Variants in MIOS observed in about 807,000 individuals in gnomAD.
MIOS encodes GATOR2 complex protein MIOS.
Under a neutral mutation model 96.9 loss-of-function variants are expected in MIOS, and 52 were observed. That is an observed-to-expected ratio of 0.54 (90% CI 0.43 to 0.68). The LOEUF (loss-of-function observed/expected upper bound fraction) is 0.68, where lower values mean the gene tolerates loss of function less well. MIOS is among the 30% of genes least tolerant of loss of function. The pLI is 0.00. For synonymous variants in MIOS, 397 were observed against 359.5 expected (o/e 1.10, Z -1.18); for missense variants, 1,005 against 1,052.8 (o/e 0.95, Z 0.63).
Position 7,606,026 on chromosome 7 carries a change from A to G in MIOS, c.2486A>G (p.Asn829Ser), listed in dbSNP as rs1175244749. The change falls in exon 12 of 13, where the codon AAT (asparagine) becomes AGT (serine). Residue 829 changes from asparagine (N) to serine (S), a missense_variant. By Grantham distance (46) the Asn-to-Ser change is conservative. This residue lies in a region of MIOS where 865 missense variants were observed against 887.9 expected (regional missense o/e 0.97). Transcript: ENST00000340080. ...AACAACTGGTTTACATGGTGTCATA[A>G]TTGCAGGCACGGTGGACATGCTGGA... ...QFNNWFTWCH[N>S]CRHGGHAGHM... The G allele has an allele frequency of 1.2e-6, 2 of 1,614,008 alleles. No homozygotes were observed. Among genetic ancestry groups the G allele is most frequent in the South Asian group, 2.2e-5 (2 of 91,074 alleles).
rs532523907 is a variant in MIOS, at chr7:7,572,090, A to T, written c.-40-346A>T. On this transcript the variant is annotated intron_variant, in intron 3 of 12. Transcript: ENST00000340080. The surrounding 1 kb of genome is among the most constrained non-coding windows in gnomAD (Gnocchi z 4.8). ...GATTCATAAGTTTTCCCCCCTTCAA[A>T]GGGATAATACTTATTAATTTGCTTA... Among the ~76,000 whole-genome samples the T allele has an allele frequency of 6.6e-6, 1 of 152,324 alleles. No individual in the cohort carries two copies. The highest frequency in any genetic ancestry group is 2.4e-5 in the African/African-American group (1 of 41,576).
chr7:7,602,766 A>G, intron 11 of MIOS, among the ~76,000 whole-genome samples: 1 of 152,160 alleles, frequency 6.6e-6, no homozygotes, highest in East Asian at 1.9e-4. Context: ...TGCCAAGTCA[A>G]TCCCAAGCCA....
rs753033156 is a variant in MIOS, at chr7:7,573,138, C to T, written c.663C>T (p.Phe221=). The change falls in exon 4 of 13, where the codon TTC becomes TTT. Residue 221 remains phenylalanine (F), a synonymous_variant. Coordinates refer to ENST00000340080, the MANE Select transcript of MIOS (RefSeq NM_019005.4). The surrounding 1 kb of genome is among the most constrained non-coding windows in gnomAD (Gnocchi z 5.0). The part of the protein sequence containing the change: ...FDLRNTSQKM[F]VNTKAVQGVT... ...TTCGGAATACAAGCCAAAAGATGTT[C>T]GTAAATACAAAAGCTGTTCAGGGTG... 16 of 1,614,018 alleles carry T rather than the reference C, an allele frequency of 9.9e-6. No individual in the cohort carries two copies. The highest frequency in any genetic ancestry group is 9.3e-6 in the Non-Finnish European group (11 of 1,179,958).
In MIOS at chr7:7,572,380, C is replaced by T. The variant is rs191368930; in HGVS notation, c.-40-56C>T. On this transcript the variant is annotated intron_variant, in intron 3 of 12. Coordinates refer to ENST00000340080, the MANE Select transcript of MIOS (RefSeq NM_019005.4). This position sits in a 1 kb window ranked among gnomAD's most constrained non-coding sequence, Gnocchi z 4.8. Reference sequence around the variant, plus strand: ...CTGACTTTCTGAATAGTTTATTCAACGTAAGAATTATATTTTGCTGATATT... The same window carrying T: ...CTGACTTTCTGAATAGTTTATTCAATGTAAGAATTATATTTTGCTGATATT... The T allele has an allele frequency of 2.2e-3, 1,951 of 870,288 alleles. 14 individuals carry two copies. Among genetic ancestry groups the T allele is most frequent in the Admixed American group, 5.1e-3 (162 of 31,930 alleles). 53.9% of individuals were successfully genotyped at this position (870,288 alleles called of 1,614,324 possible).
chr7:7,606,189 C>T (rs1242204836), intron 12 of MIOS, 118 bp downstream of exon 12: 10 of 1,316,438 alleles, frequency 7.6e-6, no homozygotes, highest in African/African-American at 1.5e-5. Context: ...TTATTTTTTA[C>T]TGTCACTCAT....
intron 1 of MIOS, 135 bp downstream of exon 1, chr7:7,567,207 C>T (rs1416217430): frequency 3.9e-5 from 6 of 152,150 alleles, no homozygotes; most frequent in Admixed American, 3.9e-4. Context: ...GTAATCGCGC[C>T]GGGCGGCCGG....
intron 6 of MIOS, among the ~76,000 whole-genome samples, chr7:7,585,423 T>C (rs1181445483): frequency 6.7e-6 from 1 of 149,858 alleles, no homozygotes; most frequent in Non-Finnish European, 1.5e-5. Context: ...CCCCTTTTTT[T>C]TTTTTTTCAA....
intron 11 of MIOS, among the ~76,000 whole-genome samples, chr7:7,600,139 A>G (rs1220411653): frequency 6.6e-6 from 1 of 152,080 alleles, no homozygotes; most frequent in Admixed American, 6.6e-5. Context: ...TGTATAACAA[A>G]CCTGCACATG....
At chr7:7,596,180 G>T (rs1164619442) in intron 10 of MIOS, 77 bp from the exon 11 acceptor site, 1 of 1,239,036 alleles carries the variant, frequency 8.1e-7, no homozygotes, top group Non-Finnish European at 1.1e-6. Context: ...AAAATAATTT[G>T]TTAGGCGCAC....
chr7:7,606,241 A>C (rs1236416800), intron 12 of MIOS, among the ~76,000 whole-genome samples, 170 bp downstream of exon 12: 1 of 152,224 alleles, frequency 6.6e-6, no homozygotes, highest in East Asian at 1.9e-4. Flanking sequence ...TAGATATCCT[A>C]TGTAACCTTA....
chr7:7,589,583 A>C lies in MIOS; in HGVS notation c.2043+20A>C, dbSNP rs753339544. The C allele has an allele frequency of 6.4e-7, 1 of 1,559,752 alleles. No homozygotes were observed. On this transcript the variant is annotated intron_variant, in intron 9 of 12. Coordinates refer to ENST00000340080, the MANE Select transcript of MIOS (RefSeq NM_019005.4). ...TTACAGGTCAGTGCAGTTTGACAGC[A>C]GCTTTTAAAAAAGTAACAATATTCT...
Position 7,577,549 on chromosome 7 carries a change from A to G in MIOS, c.1393+3353A>G, listed in dbSNP as rs550293587. The stretch of plus-strand genomic sequence containing the variant: ...TTAATTTAAGCATGTTTAAATGCTA[A>G]TTGAAGGAAGCCCATAGAGGTTAAA... On this transcript the variant is annotated intron_variant, in intron 5 of 12. Transcript: ENST00000340080. 9.2e-5 allele frequency among the ~76,000 whole-genome samples: 14 copies of G among 152,300 alleles called. No homozygotes were observed. The East Asian group carries it at 2.7e-3, about 29-fold the overall frequency.
intron 7 of MIOS, 58 bp from the exon 8 acceptor site, chr7:7,588,440 C>T: frequency 1.8e-6 from 2 of 1,094,800 alleles, no homozygotes; most frequent in East Asian, 2.6e-5. Context: ...TCAGTCTCTG[C>T]AAAAATTTAA....
chr7:7,569,501 G>C (rs774192179), intron 3 of MIOS, among the ~76,000 whole-genome samples: 3 of 152,190 alleles, frequency 2.0e-5, no homozygotes, highest in African/African-American at 7.2e-5. Context: ...TGAGGAAATA[G>C]GTAAAACTTG....
chr7:7,602,104 A>C (rs375103712), intron 11 of MIOS, among the ~76,000 whole-genome samples: 1 of 152,314 alleles, frequency 6.6e-6, no homozygotes, highest in African/African-American at 2.4e-5. Context: ...TGACACACCC[A>C]CAGCCAATAT....
chr7:7,574,386 T>C (rs967633406), intron 5 of MIOS, among the ~76,000 whole-genome samples, 190 bp downstream of exon 5: 7 of 152,148 alleles, frequency 4.6e-5, no homozygotes, highest in African/African-American at 1.4e-4. Flanking sequence ...AAAACCCTTT[T>C]TGCAGGGAGT....
In MIOS at chr7:7,572,778, A is replaced by C. The variant is rs374376259; in HGVS notation, c.303A>C (p.Lys101Asn). 1.2e-6 allele frequency: 2 copies of C among 1,614,002 alleles called. No individual in the cohort carries two copies. The highest frequency in any genetic ancestry group is 2.7e-5 in the African/African-American group (2 of 74,924). The change falls in exon 4 of 13, where the codon AAA (lysine) becomes AAC (asparagine). Residue 101 changes from lysine to asparagine, a missense_variant. By Grantham distance (94) the Lys-to-Asn change is moderately conservative (BLOSUM62 0). This residue lies in a region of MIOS where 137 missense variants were observed against 148.6 expected (regional missense o/e 0.92). Coordinates refer to ENST00000340080, the MANE Select transcript of MIOS (RefSeq NM_019005.4). This position sits in a 1 kb window ranked among gnomAD's most constrained non-coding sequence, Gnocchi z 4.8. ...GTCAAGATCATAACTCAAAGTTCAA[A>C]GATTTGATAGGAAAAGAGTTTGTTC... ...SLGQDHNSKF[K>N]DLIGKEFVPK...
intron 3 of MIOS, among the ~76,000 whole-genome samples, chr7:7,570,407 C>T (rs1030932636): frequency 2.0e-5 from 3 of 151,850 alleles, no homozygotes; most frequent in East Asian, 1.9e-4. Context: ...ATTCCTAAAT[C>T]AGTGGTCCCC....
chr7:7,586,511 T>C (rs548080874), intron 7 of MIOS, among the ~76,000 whole-genome samples: 1 of 152,352 alleles, frequency 6.6e-6, no homozygotes, highest in South Asian at 2.1e-4. Flanking sequence ...TTGGCTTCTT[T>C]CTAGCAGTGG....
Sources: allele counts gnomAD v4.1 joint callset (sites outside exome capture counted in the v4.1 genomes callset), GRCh38; gene constraint gnomAD v4.1.1; regional missense constraint gnomAD v4.1.1; non-coding constraint Gnocchi (gnomAD v3.1); transcripts MANE v1.5; gene names NCBI Gene and HGNC (gene_info 2026-07-23, HGNC 2026-07-21).